Variants in CACNB2 observed in about 807,000 individuals in gnomAD.
CACNB2 encodes the protein voltage-dependent L-type calcium channel subunit beta-2.
Under a neutral mutation model 73.3 loss-of-function variants are expected in CACNB2, and 42 were observed. That is an observed-to-expected ratio of 0.57 (90% CI 0.45 to 0.74). CACNB2 has a LOEUF of 0.74. Among genes scored for constraint, CACNB2 ranks in the 30% least tolerant of loss-of-function variants. CACNB2 has a pLI of 0.00. For synonymous variants in CACNB2, 348 were observed against 310.3 expected (o/e 1.12, Z -1.28); for missense variants, 940 against 853.0 (o/e 1.10, Z -1.27).
At chr10:18,391,413 A>T (rs2043462756) in intron 2 of CACNB2, among the ~76,000 whole-genome samples, 1 of 152,198 alleles carries the variant, frequency 6.6e-6, no homozygotes, top group South Asian at 2.1e-4. Flanking sequence ...GCTTTAAACT[A>T]TAGGATGTAA....
intron 3 of CACNB2, among the ~76,000 whole-genome samples, chr10:18,497,352 C>G (rs1249455080): frequency 1.3e-5 from 2 of 152,074 alleles, no homozygotes; most frequent in Non-Finnish European, 2.9e-5. Context: ...TTTCTTTCAT[C>G]TTGTGGATAA....
intron 9 of CACNB2, among the ~76,000 whole-genome samples, chr10:18,526,082 A>G (rs2052443575): frequency 6.6e-6 from 1 of 152,222 alleles, no homozygotes; most frequent in Non-Finnish European, 1.5e-5. Context: ...ATAATTAATC[A>G]GAGGTTCTGT....
At chr10:18,406,954 T>C (rs1318598229) in intron 3 of CACNB2, among the ~76,000 whole-genome samples, 5 of 152,070 alleles carry the variant, frequency 3.3e-5, no homozygotes, top group Admixed American at 3.3e-4. Flanking sequence ...CAAGAAAACA[T>C]AGACCCTTTC....
At chr10:18,284,673 A>G (rs903255171) in intron 2 of CACNB2, among the ~76,000 whole-genome samples, 2 of 151,858 alleles carry the variant, frequency 1.3e-5, no homozygotes, top group African/African-American at 4.8e-5. Flanking sequence ...TATTCCTCCA[A>G]CCCACTTCCT....
intron 1 of CACNB2, 28 bp from the exon 2 acceptor site, chr10:18,150,855 C>CTTTTTTTTTTTTTTTGTT: frequency 6.2e-6 from 3 of 484,690 alleles, no homozygotes; most frequent in Non-Finnish European, 9.2e-6. Flanking sequence ...TCTTATTTGT[C>CTTTTTTTTTTTTTTTGTT]TTTTTTTTTT....
At chr10:18,238,962 A>T (rs2036549421) in intron 2 of CACNB2, among the ~76,000 whole-genome samples, 1 of 152,186 alleles carries the variant, frequency 6.6e-6, no homozygotes, top group Non-Finnish European at 1.5e-5. Context: ...TACAGAGGCG[A>T]TGTGAACCCT....
Position 18,518,967 on chromosome 10 carries a change from C to T in CACNB2, c.943C>T (p.Arg315Trp), listed in dbSNP as rs375029614. Reference sequence around the variant, plus strand: ...TTTTTTAAAACACAGATTTGAAGGGCGGTGAGTATTTCAGCATACTGGGTT... The same window carrying T: ...TTTTTTAAAACACAGATTTGAAGGGTGGTGAGTATTTCAGCATACTGGGTT... Reference protein sequence around the residue: ...FDFLKHRFEGRISITRVTADI... With the variant: ...FDFLKHRFEGWISITRVTADI... The change falls in exon 9 of 14, where the codon CGG becomes TGG. Residue 315 changes from arginine to tryptophan, a missense_variant and splice_region_variant. Arg to Trp is a moderately radical substitution (Grantham distance 101). Transcript: ENST00000324631. 1.2e-5 allele frequency: 19 copies of T among 1,613,144 alleles called. No homozygotes were observed. The highest frequency in any genetic ancestry group is 6.7e-5 in the East Asian group (3 of 44,878).
At chr10:18,176,550 A>G (rs17662793) in intron 2 of CACNB2, among the ~76,000 whole-genome samples, 35,928 of 151,622 alleles carry the variant, frequency 0.24, 4,385 homozygotes, top group Non-Finnish European at 0.28. Flanking sequence ...GAAGCTACAG[A>G]AGAGGGAAAG....
chr10:18,313,379 C>T (rs2040034670), intron 2 of CACNB2, among the ~76,000 whole-genome samples: 1 of 150,666 alleles, frequency 6.6e-6, no homozygotes, highest in East Asian at 1.9e-4. Context: ...TACTAGACGC[C>T]AGAAACACTC....
intron 2 of CACNB2, among the ~76,000 whole-genome samples, chr10:18,335,136 A>G (rs1302763949): frequency 6.6e-6 from 1 of 152,146 alleles, no homozygotes; most frequent in Non-Finnish European, 1.5e-5. Flanking sequence ...AAGTAAAAAA[A>G]AAAAAAATAC....
At chr10:18,149,540 C>T (rs2131023144) in intron 1 of CACNB2, among the ~76,000 whole-genome samples, 1 of 152,294 alleles carries the variant, frequency 6.6e-6, no homozygotes, top group South Asian at 2.1e-4. Flanking sequence ...ACCACCCTCT[C>T]ACTGATAGCA....
chr10:18,501,403 A>G (rs2050186101), intron 5 of CACNB2, among the ~76,000 whole-genome samples: 1 of 152,220 alleles, frequency 6.6e-6, no homozygotes, highest in Non-Finnish European at 1.5e-5. Flanking sequence ...TGAGAAACTC[A>G]ATTTTCAGTT....
At position 18,203,479 on chromosome 10, in the gene CACNB2, G is replaced by T. The variant is rs555933800; in HGVS notation, c.213+52504G>T. On this transcript the variant is annotated intron_variant, in intron 2 of 13. Transcript: ENST00000324631. ...GAGCAGAAAAGCTTTCCTTATAAAG[G>T]TAGCAATTTTATTCAAGATTAAAAT... 5.3e-5 allele frequency among the ~76,000 whole-genome samples: 8 copies of T among 152,196 alleles called. No individual in the cohort carries two copies. The South Asian group carries it at 1.7e-3, about 32-fold the overall frequency.
chr10:18,529,668 T>C (rs1285624731), intron 10 of CACNB2, among the ~76,000 whole-genome samples: 1 of 152,198 alleles, frequency 6.6e-6, no homozygotes, highest in African/African-American at 2.4e-5. Flanking sequence ...AATATATTGT[T>C]TTAAAAAGAA....
At chr10:18,175,324 G>T (rs1462158695) in intron 2 of CACNB2, among the ~76,000 whole-genome samples, 6 of 152,194 alleles carry the variant, frequency 3.9e-5, no homozygotes, top group African/African-American at 9.7e-5. Context: ...AAATGGAAAA[G>T]AAAGATCTGC....
chr10:18,447,640 C>A (rs928652463), intron 3 of CACNB2, among the ~76,000 whole-genome samples: 1 of 151,462 alleles, frequency 6.6e-6, no homozygotes, highest in African/African-American at 2.4e-5. Context: ...AAGACATGAT[C>A]ACTGGCTTTG....
At chr10:18,518,835 G>A in intron 8 of CACNB2, 75 bp from the exon 9 acceptor site, 2 of 1,331,582 alleles carry the variant, frequency 1.5e-6, no homozygotes, top group Non-Finnish European at 2.2e-6. Flanking sequence ...GCATTCCTAA[G>A]AGAAGTAAAA....
intron 2 of CACNB2, among the ~76,000 whole-genome samples, chr10:18,389,121 A>C (rs933202295): frequency 5.9e-5 from 9 of 152,138 alleles, no homozygotes; most frequent in African/African-American, 1.9e-4. Context: ...AATGGAATCC[A>C]ACCTTATCTC....
At chr10:18,209,369 G>A (rs1163690413) in intron 2 of CACNB2, among the ~76,000 whole-genome samples, 1 of 152,114 alleles carries the variant, frequency 6.6e-6, no homozygotes, top group Non-Finnish European at 1.5e-5. Context: ...TTTCAAGAAA[G>A]GTATTCTCTT....
Sources: gnomAD v4.1 joint callset for allele counts (sites outside exome capture counted in the v4.1 genomes callset) on GRCh38, gnomAD v4.1.1 for gene constraint, MANE v1.5 for transcripts, NCBI Gene and HGNC (gene_info 2026-07-23, HGNC 2026-07-21) for gene names.